The following C14orf39 variants were observed in gnomAD, a reference collection of about 807,000 sequenced individuals.
C14orf39 encodes the protein chromosome 14 open reading frame 39.
C14orf39 carries 66 observed loss-of-function variants against 85.6 expected under a neutral mutation model. The ratio of observed to expected loss-of-function variants is 0.77; its 90% CI spans 0.63 to 0.95. The LOEUF is 0.95. Ranked by LOEUF, C14orf39 falls within the 40% of genes least tolerant of loss-of-function variation. The probability of loss-of-function intolerance (pLI) is 0.00; values close to 1 mark genes in which losing one functional copy is unlikely to be tolerated. For missense variants in C14orf39, 735 were observed against 663.9 expected (o/e 1.11, Z -1.18); for synonymous variants, 242 against 214.0 (o/e 1.13, Z -1.14).
At chr14:60,506,671 C>T (rs1893208042) in intron 1 of C14orf39, among the ~76,000 whole-genome samples, 1 of 152,168 alleles carries the variant, frequency 6.6e-6, no homozygotes. Flanking sequence ...ATAGTAGTCC[C>T]CAACCTCCAG....
chr14:60,444,004 T>C (rs1407027277), intron 16 of C14orf39, among the ~76,000 whole-genome samples: 1 of 151,842 alleles, frequency 6.6e-6, no homozygotes, highest in Non-Finnish European at 1.5e-5. Flanking sequence ...AGCATCAACA[T>C]CAACAAAAAG....
At chr14:60,485,145 A>G (rs1159325957) in intron 1 of C14orf39, 59 bp from the exon 2 acceptor site, 7 of 1,405,684 alleles carry the variant, frequency 5.0e-6, no homozygotes, top group Non-Finnish European at 6.9e-6. Flanking sequence ...AAAACAGGAT[A>G]TATTTCGTAA....
At position 60,436,151 on chromosome 14, in the gene C14orf39, A is replaced by T. The variant is rs1171654289; in HGVS notation, c.*694T>A. 8 of 152,176 alleles carry T rather than the reference A, an allele frequency of 5.3e-5. No homozygotes were observed. Among genetic ancestry groups the T allele is most frequent in the Non-Finnish European group, 1.2e-4 (8 of 68,012 alleles). 9.4% of individuals were successfully genotyped at this position (152,176 alleles called of 1,614,324 possible). A position where few individuals can be genotyped will look rare whatever the true frequency, so the allele number is the denominator to read the frequency against. On this transcript the variant is annotated 3_prime_UTR_variant, in exon 18 of 18. Transcript: ENST00000321731. ...TTGTTATTGAAGGAGACAAAATTGT[A>T]AATGTTCTTCAAAAAATATTTAAGC...
intron 1 of C14orf39, among the ~76,000 whole-genome samples, chr14:60,500,327 G>A (rs1893124400): frequency 1.3e-5 from 2 of 152,136 alleles, no homozygotes; most frequent in African/African-American, 4.8e-5. Flanking sequence ...ACGCCTGGCT[G>A]GGAATGACAC....
intron 1 of C14orf39, among the ~76,000 whole-genome samples, chr14:60,500,743 T>C (rs1893133061): frequency 6.6e-6 from 1 of 152,190 alleles, no homozygotes; most frequent in Non-Finnish European, 1.5e-5. Flanking sequence ...CATAAGGATA[T>C]GCACCTAGCA....
chr14:60,477,261 A>G (rs1892420516), intron 5 of C14orf39, among the ~76,000 whole-genome samples: 1 of 152,106 alleles, frequency 6.6e-6, no homozygotes, highest in South Asian at 2.1e-4. Flanking sequence ...ATGTATTTCC[A>G]TGATTTCAAA....
At chr14:60,449,690 T>C (rs1454793630) in intron 16 of C14orf39, among the ~76,000 whole-genome samples, 1 of 152,192 alleles carries the variant, frequency 6.6e-6, no homozygotes, top group Non-Finnish European at 1.5e-5. Context: ...CCTCTATTGT[T>C]TGTTTTTCCA....
chr14:60,468,558 C>T (rs2140112866), intron 8 of C14orf39, 22 bp from the exon 9 acceptor site: 2 of 1,394,332 alleles, frequency 1.4e-6, no homozygotes, highest in East Asian at 2.4e-5. Context: ...ATTGGGAACA[C>T]AAAACAAAAT....
chr14:60,481,041 C>T, intron 4 of C14orf39, among the ~76,000 whole-genome samples: 1 of 152,136 alleles, frequency 6.6e-6, no homozygotes, highest in African/African-American at 2.4e-5. Context: ...TAGTGATCTA[C>T]TGCACCGTAT....
chr14:60,447,451 CAA>C (rs959954333), intron 16 of C14orf39, among the ~76,000 whole-genome samples: 3 of 152,108 alleles, frequency 2.0e-5, no homozygotes, highest in African/African-American at 7.2e-5. Flanking sequence ...ACAAATGCTT[CAA>C]AGAGAATAAA....
intron 11 of C14orf39, among the ~76,000 whole-genome samples, chr14:60,464,429 TCA>T (rs921291529): frequency 6.6e-6 from 1 of 152,152 alleles, no homozygotes; most frequent in African/African-American, 2.4e-5. Context: ...ACTCCTAAAC[TCA>T]CAATCAGTAC....
At chr14:60,486,583 A>G (rs1466372372), upstream of C14orf39, among the ~76,000 whole-genome samples, 5 of 152,210 alleles carry the variant, frequency 3.3e-5, no homozygotes, top group East Asian at 7.7e-4. Context: ...TCTTTAGGTA[A>G]TTTATGCTCT....
chr14:60,465,772 T>C (rs1891753829), intron 11 of C14orf39, among the ~76,000 whole-genome samples: 1 of 151,996 alleles, frequency 6.6e-6, no homozygotes, highest in Admixed American at 6.6e-5. Context: ...TTACAGTATA[T>C]AATCAGAATG....
chr14:60,502,199 T>C (rs1479952170), intron 1 of C14orf39, among the ~76,000 whole-genome samples: 4 of 152,208 alleles, frequency 2.6e-5, no homozygotes, highest in Non-Finnish European at 5.9e-5. Context: ...AAATTGAGTA[T>C]TGTATCTTTA....
In C14orf39 at chr14:60,510,008, G is replaced by C. The variant is rs528086345; in HGVS notation, c.-144+5387C>G. 19 of 1,546,730 alleles carry C rather than the reference G, an allele frequency of 1.2e-5. No individual in the cohort carries two copies. In the South Asian group the frequency reaches 2.2e-4, roughly 18 times the overall value. The stretch of plus-strand genomic sequence containing the variant: ...AGGCCTCCGCGCTTTGAGCGCACCG[G>C]GGAGGAGGCGGGTGGAGGCACCTCT... On this transcript the variant is annotated intron_variant, in intron 1 of 5. Transcript: ENST00000556799.
chr14:60,458,624 A>G (rs1393140851), intron 14 of C14orf39, 54 bp downstream of exon 14: 3 of 1,252,424 alleles, frequency 2.4e-6, no homozygotes, highest in Non-Finnish European at 3.5e-6. Flanking sequence ...AATAGACATA[A>G]TATTTTAAAT....
intron 16 of C14orf39, among the ~76,000 whole-genome samples, chr14:60,444,361 T>C (rs1001315008): frequency 5.3e-5 from 8 of 152,092 alleles, no homozygotes; most frequent in Non-Finnish European, 1.0e-4. Context: ...TTAAATGGCC[T>C]GATGGAGCTG....
chr14:60,488,852 C>A (rs1170435583), upstream of C14orf39, among the ~76,000 whole-genome samples: 1 of 151,840 alleles, frequency 6.6e-6, no homozygotes, highest in Non-Finnish European at 1.5e-5. Flanking sequence ...TTCTTACTCT[C>A]TTCCATACTT....
At chr14:60,460,096 A>G (rs1216956271) in intron 13 of C14orf39, among the ~76,000 whole-genome samples, 1 of 151,086 alleles carries the variant, frequency 6.6e-6, no homozygotes, top group Non-Finnish European at 1.5e-5. Flanking sequence ...TTTAAGTCAT[A>G]GGTATTATTT....
Sources: allele counts gnomAD v4.1 joint callset (sites outside exome capture counted in the v4.1 genomes callset), GRCh38; gene constraint gnomAD v4.1.1; transcripts MANE v1.5; gene names NCBI Gene and HGNC (gene_info 2026-07-23, HGNC 2026-07-21).